Variants in TESMIN observed in about 807,000 individuals in gnomAD.
TESMIN encodes CXC domain containing 2.
Under a neutral mutation model 47.4 loss-of-function variants are expected in TESMIN, and 34 were observed. The observed-to-expected ratio is 0.72, with a 90% CI of 0.55 to 0.96. The LOEUF (loss-of-function observed/expected upper bound fraction) is 0.96. TESMIN is among the 40% of genes least tolerant of loss of function. The pLI, the probability that TESMIN is intolerant of heterozygous loss-of-function variation, is 0.00. For synonymous variants in TESMIN, 278 were observed against 258.9 expected (o/e 1.07, Z -0.71); for missense variants, 610 against 637.2 (o/e 0.96, Z 0.46).
intron 8 of TESMIN, among the ~76,000 whole-genome samples, chr11:68,711,377 G>C (rs1388235831): frequency 1.3e-5 from 2 of 151,496 alleles, no homozygotes; most frequent in Non-Finnish European, 2.9e-5. Flanking sequence ...GGGTATGTGT[G>C]TGTATATGTG....
intron 3 of TESMIN, among the ~76,000 whole-genome samples, chr11:68,745,889 T>C (rs1946514345): frequency 6.6e-6 from 1 of 152,170 alleles, no homozygotes; most frequent in Non-Finnish European, 1.5e-5. Flanking sequence ...CATGTGGGGA[T>C]AGAAAGGCGA....
At chr11:68,737,846 G>T in intron 6 of TESMIN, 1 of 844,590 alleles carries the variant, frequency 1.2e-6, no homozygotes, top group Non-Finnish European at 1.4e-6. Context: ...CCAGGAGGCG[G>T]AGGTTGCAGT....
chr11:68,738,014 A>G, intron 6 of TESMIN: 1 of 985,560 alleles, frequency 1.0e-6, no homozygotes, highest in Non-Finnish European at 1.2e-6. Flanking sequence ...AATCAACTAC[A>G]GGGCTCAACG....
intron 4 of TESMIN, 21 bp downstream of exon 4, chr11:68,744,965 GTTTTT>G (rs759387020): frequency 2.0e-6 from 3 of 1,500,278 alleles, no homozygotes; most frequent in Non-Finnish European, 2.7e-6. Flanking sequence ...ATATGACATA[GTTTTT>G]TTTATTAATT....
Position 68,745,092 on chromosome 11 carries a change from C to G in TESMIN, c.650G>C (p.Gly217Ala), listed in dbSNP as rs768172750. Residue 217 changes from glycine (G) to alanine (A), a missense_variant, in exon 4 of 10, where the codon GGG (glycine) becomes GCG (alanine). Transcript: ENST00000255087. ...GTCTATACATAGCATTTGTGTGCCCCCTTTCAATTGGCATATCACCTAAAA... is the reference window on the plus strand; with the variant it reads ...GTCTATACATAGCATTTGTGTGCCCGCTTTCAATTGGCATATCACCTAAAA... ...SNPMVICQLK[G>A]GTQMLCIDNS... is the part of the protein sequence containing the mutation. 1.3e-6 allele frequency: 2 copies of G among 1,576,714 alleles called. No individual in the cohort carries two copies. The highest frequency in any genetic ancestry group is 1.7e-6 in the Non-Finnish European group (2 of 1,170,300).
intron 8 of TESMIN, 23 bp downstream of exon 8, chr11:68,713,247 G>C: frequency 1.3e-6 from 2 of 1,596,446 alleles, no homozygotes; most frequent in African/African-American, 1.3e-5. Flanking sequence ...TTTTGTTAGT[G>C]AGTTAGGGAG....
At chr11:68,722,547 T>C (rs1946214755) in intron 6 of TESMIN, among the ~76,000 whole-genome samples, 1 of 151,742 alleles carries the variant, frequency 6.6e-6, no homozygotes, top group Non-Finnish European at 1.5e-5. Context: ...TTGTTACAAA[T>C]AAGTCCCTAT....
At chr11:68,736,346 C>T (rs1036727794) in intron 6 of TESMIN, 125 of 985,432 alleles carry the variant, frequency 1.3e-4, no homozygotes, top group Non-Finnish European at 1.5e-4. Flanking sequence ...AAATGACCAT[C>T]GGGTCAGCTC....
intron 9 of TESMIN, among the ~76,000 whole-genome samples, chr11:68,709,901 G>A (rs1946042624): frequency 6.6e-6 from 1 of 152,228 alleles, no homozygotes. Context: ...TGGGTGCGGT[G>A]GCTTACGCCT....
chr11:68,723,703 T>C (rs923683232), intron 6 of TESMIN, among the ~76,000 whole-genome samples: 1 of 152,088 alleles, frequency 6.6e-6, no homozygotes, highest in Non-Finnish European at 1.5e-5. Flanking sequence ...TCAAAGGCCA[T>C]AATTATAGAT....
chr11:68,717,878 C>A (rs1319490193), intron 6 of TESMIN, among the ~76,000 whole-genome samples: 1 of 152,088 alleles, frequency 6.6e-6, no homozygotes, highest in Non-Finnish European at 1.5e-5. Flanking sequence ...TGAACAAATC[C>A]AAGAAAAGTG....
At chr11:68,735,485 T>G (rs947197746) in intron 6 of TESMIN, among the ~76,000 whole-genome samples, 5 of 152,208 alleles carry the variant, frequency 3.3e-5, no homozygotes, top group Non-Finnish European at 5.9e-5. Flanking sequence ...TAAATCACTG[T>G]GTGGCCAGGA....
At chr11:68,733,513 G>A (rs1472125187) in intron 6 of TESMIN, 2 of 152,182 alleles carry the variant, frequency 1.3e-5, no homozygotes, top group Non-Finnish European at 2.9e-5. Context: ...GGTTGACAAC[G>A]AGCATTAGGA....
chr11:68,742,928 G>C (rs573117527), intron 4 of TESMIN, among the ~76,000 whole-genome samples: 44 of 151,796 alleles, frequency 2.9e-4, no homozygotes, highest in African/African-American at 1.1e-3. Flanking sequence ...CCAGGCTGGA[G>C]TGCAGTGGCA....
Position 68,710,901 on chromosome 11 carries a change from G to A in TESMIN, c.1307C>T (p.Ser436Leu), listed in dbSNP as rs1043739708. The A allele has an allele frequency of 1.9e-6, 3 of 1,613,490 alleles. No individual in the cohort carries two copies. Among genetic ancestry groups the A allele is most frequent in the African/African-American group, 1.3e-5 (1 of 74,900 alleles). ...GSHYLPPTKF[S>L]GLPRFSHDRR... ...ATCGTGACTGAATCTTGGAAGTCCT[G>A]AAAATTTCGTTGGTGGCAGGTAATG... The change falls in exon 9 of 10, where the codon TCA becomes TTA. Residue 436 changes from serine (S) to leucine (L), a missense_variant. Ser to Leu is a moderately radical substitution (Grantham distance 145, BLOSUM62 -2). Transcript: ENST00000255087.
At chr11:68,746,042 C>T (rs1946516217) in intron 3 of TESMIN, among the ~76,000 whole-genome samples, 2 of 152,222 alleles carry the variant, frequency 1.3e-5, no homozygotes, top group South Asian at 4.1e-4. Context: ...CCAATGTTAT[C>T]AAAGTAATAC....
rs373371334 is a variant in TESMIN, at chr11:68,738,728, G to C, written c.889C>G (p.Pro297Ala). 2 of 1,613,940 alleles carry C rather than the reference G, an allele frequency of 1.2e-6. No individual in the cohort carries two copies. The highest frequency in any genetic ancestry group is 1.3e-5 in the African/African-American group (1 of 74,904). ...GCCAAAGTTATTTTTGGTGGTCCTG[G>C]AAGAGTTGATCCCGAGGGGAAAGCA... ...GSAFPSGSTL[P>A]GPPKITLAGY... The change falls in exon 6 of 10, where the codon CCA becomes GCA. Residue 297 changes from proline (P) to alanine (A), a missense_variant. Transcript: ENST00000255087.
chr11:68,705,977 C>T (rs936068281), downstream of TESMIN, among the ~76,000 whole-genome samples: 15 of 139,304 alleles, frequency 1.1e-4, no homozygotes, highest in South Asian at 6.7e-4. Flanking sequence ...GAGCCGAGAT[C>T]GCGCCATTGC....
chr11:68,743,233 A>AAT (rs1946479788), intron 4 of TESMIN, among the ~76,000 whole-genome samples: 3 of 132,496 alleles, frequency 2.3e-5, no homozygotes, highest in Non-Finnish European at 4.9e-5. Flanking sequence ...CACAGGAACT[A>AAT]CTTTTTTTTT....
Sources: allele counts gnomAD v4.1 joint callset (sites outside exome capture counted in the v4.1 genomes callset), GRCh38; gene constraint gnomAD v4.1.1; transcripts MANE v1.5; gene names NCBI Gene and HGNC (gene_info 2026-07-23, HGNC 2026-07-21).